The following ARHGAP15 variants were observed in gnomAD, a reference collection of about 807,000 sequenced individuals.
ARHGAP15 encodes rho GTPase-activating protein 15.
Under a neutral mutation model 63.7 loss-of-function variants are expected in ARHGAP15, and 51 were observed. The ratio of observed to expected loss-of-function variants is 0.80; its 90% CI spans 0.64 to 1.01. The LOEUF is 1.01. ARHGAP15 is among the 50% of genes least tolerant of loss of function. The pLI is 0.00. For synonymous variants in ARHGAP15, 191 were observed against 193.8 expected (o/e 0.99, Z 0.12); for missense variants, 560 against 564.6 (o/e 0.99, Z 0.08).
At chr2:143,244,009 TCTTA>T (rs1383405975) in intron 5 of ARHGAP15, among the ~76,000 whole-genome samples, 8 of 152,300 alleles carry the variant, frequency 5.3e-5, no homozygotes, top group South Asian at 2.1e-4. Flanking sequence ...TATGATCAGT[TCTTA>T]CTTAAAGTTG....
chr2:143,294,735 A>C (rs1682562167), intron 6 of ARHGAP15, among the ~76,000 whole-genome samples: 1 of 152,090 alleles, frequency 6.6e-6, no homozygotes, highest in Admixed American at 6.6e-5. Context: ...CAAAAATGTC[A>C]GTGATTAGTC....
chr2:143,362,653 A>G (rs905086359), intron 6 of ARHGAP15, among the ~76,000 whole-genome samples: 1 of 152,224 alleles, frequency 6.6e-6, no homozygotes, highest in African/African-American at 2.4e-5. Flanking sequence ...CTAAACAAGA[A>G]TACTTATTTT....
intron 5 of ARHGAP15, among the ~76,000 whole-genome samples, chr2:143,234,649 A>G (rs1693571352): frequency 6.6e-6 from 1 of 152,206 alleles, no homozygotes; most frequent in East Asian, 1.9e-4. Flanking sequence ...CTCATCTACC[A>G]AAACAGTCTT....
chr2:143,758,118 A>ACCTTAATT (rs1686641538), intron 13 of ARHGAP15, among the ~76,000 whole-genome samples: 1 of 152,092 alleles, frequency 6.6e-6, no homozygotes, highest in African/African-American at 2.4e-5. Flanking sequence ...ACTATGAAAT[A>ACCTTAATT]TAACAACTTT....
chr2:143,406,551 A>G (rs1159940220), intron 6 of ARHGAP15, among the ~76,000 whole-genome samples: 1 of 151,848 alleles, frequency 6.6e-6, no homozygotes, highest in Admixed American at 6.6e-5. Context: ...CAATCTGTCA[A>G]TTTAAGTTTG....
chr2:143,682,466 A>C (rs1323217183), intron 12 of ARHGAP15, among the ~76,000 whole-genome samples: 1 of 152,236 alleles, frequency 6.6e-6, no homozygotes, highest in African/African-American at 2.4e-5. Flanking sequence ...GTGAAAATGC[A>C]AAAACATGAT....
At chr2:143,392,548 G>C (rs1025793763) in intron 6 of ARHGAP15, among the ~76,000 whole-genome samples, 2 of 152,076 alleles carry the variant, frequency 1.3e-5, no homozygotes, top group Non-Finnish European at 2.9e-5. Flanking sequence ...TTAGCTCACA[G>C]CAACACTTAC....
At chr2:143,310,549 ATAAAT>A (rs1237493877) in intron 6 of ARHGAP15, among the ~76,000 whole-genome samples, 4 of 151,742 alleles carry the variant, frequency 2.6e-5, no homozygotes, top group Non-Finnish European at 4.4e-5. Flanking sequence ...ATTTTATAAA[ATAAAT>A]TGTTTTAATC....
intron 6 of ARHGAP15, among the ~76,000 whole-genome samples, chr2:143,336,078 G>C (rs1205987659): frequency 6.6e-6 from 1 of 152,050 alleles, no homozygotes; most frequent in African/African-American, 2.4e-5. Flanking sequence ...AATGCTCACG[G>C]CAGCCTCGAC....
At chr2:143,256,863 A>C (rs1010862971) in intron 6 of ARHGAP15, among the ~76,000 whole-genome samples, 6 of 152,082 alleles carry the variant, frequency 3.9e-5, no homozygotes, top group Non-Finnish European at 7.4e-5. Context: ...TGATTGTAAG[A>C]ATCTAGATGA....
chr2:143,377,077 T>G (rs1686846636), intron 6 of ARHGAP15, among the ~76,000 whole-genome samples: 1 of 152,112 alleles, frequency 6.6e-6, no homozygotes, highest in African/African-American at 2.4e-5. Context: ...ACAAATGGCA[T>G]ATATGGACTG....
At chr2:143,598,869 A>T (rs1252043302) in intron 11 of ARHGAP15, among the ~76,000 whole-genome samples, 1 of 152,028 alleles carries the variant, frequency 6.6e-6, no homozygotes, top group Admixed American at 6.6e-5. Flanking sequence ...ATGAGCTATG[A>T]TCGCACCACT....
chr2:143,131,113 CTGTTAAATTAAAA>C (rs1688897492), intron 1 of ARHGAP15, among the ~76,000 whole-genome samples: 1 of 151,878 alleles, frequency 6.6e-6, no homozygotes, highest in Non-Finnish European at 1.5e-5. Context: ...CTTGCAGAAA[CTGTTAAATTAAAA>C]TACACATATT....
chr2:143,272,802 G>C (rs2105056501), intron 6 of ARHGAP15, among the ~76,000 whole-genome samples: 1 of 152,216 alleles, frequency 6.6e-6, no homozygotes, highest in South Asian at 2.1e-4. Context: ...GACCTCTTTT[G>C]TTTTCATGTG....
intron 13 of ARHGAP15, among the ~76,000 whole-genome samples, chr2:143,722,657 T>C (rs1477345072): frequency 3.3e-5 from 5 of 152,250 alleles, no homozygotes; most frequent in African/African-American, 1.2e-4. Flanking sequence ...AAACAGTATG[T>C]GCAGCCTGTA....
intron 6 of ARHGAP15, among the ~76,000 whole-genome samples, chr2:143,254,827 G>T (rs1027371822): frequency 1.3e-5 from 2 of 151,090 alleles, no homozygotes; most frequent in Non-Finnish European, 2.9e-5. Flanking sequence ...TAAGGGTACA[G>T]TTGCATTCCT....
intron 6 of ARHGAP15, among the ~76,000 whole-genome samples, chr2:143,323,921 A>AAAAAAAAAAAC (rs1558893097): frequency 2.0e-5 from 3 of 149,546 alleles, no homozygotes; most frequent in African/African-American, 7.4e-5. Context: ...AAAAAAAAAA[A>AAAAAAAAAAAC]AACACCTAAA....
chr2:143,301,396 T>C (rs1682889127), intron 6 of ARHGAP15, among the ~76,000 whole-genome samples: 1 of 151,980 alleles, frequency 6.6e-6, no homozygotes, highest in Non-Finnish European at 1.5e-5. Flanking sequence ...TTTGTCAATT[T>C]ATCATTTTCT....
chr2:143,421,965 C>T (rs1166734112), intron 6 of ARHGAP15, among the ~76,000 whole-genome samples: 1 of 151,886 alleles, frequency 6.6e-6, no homozygotes, highest in Non-Finnish European at 1.5e-5. Context: ...GTTTCATGAA[C>T]AAAAATGTTT....
Sources: gnomAD v4.1 joint callset for allele counts (sites outside exome capture counted in the v4.1 genomes callset) on GRCh38, gnomAD v4.1.1 for gene constraint, MANE v1.5 for transcripts, NCBI Gene and HGNC (gene_info 2026-07-23, HGNC 2026-07-21) for gene names.